Variants in TBPL1 observed in about 807,000 individuals in gnomAD.
The protein encoded by TBPL1 is TATA-box binding protein like 1, also known as TATA box-binding protein-like 1.
In TBPL1, 4 loss-of-function variants were observed where a neutral mutation model predicts 22.1. That is an observed-to-expected ratio of 0.18 (90% CI 0.09 to 0.41). The LOEUF is 0.41. Among genes scored for constraint, TBPL1 ranks in the 10% least tolerant of loss-of-function variants. The pLI is 1.00. For missense variants in TBPL1, 115 were observed against 222.3 expected (o/e 0.52, Z 3.07); for synonymous variants, 64 against 71.0 (o/e 0.90, Z 0.50).
intron 1 of TBPL1, among the ~76,000 whole-genome samples, chr6:133,976,373 A>G (rs532109720): frequency 6.6e-6 from 1 of 152,348 alleles, no homozygotes; most frequent in Non-Finnish European, 1.5e-5. Flanking sequence ...ATATAGACCT[A>G]TAAAAGAGTC....
chr6:133,986,812 G>A, intron 6 of TBPL1, 149 bp from the exon 7 acceptor site: 1 of 512,470 alleles, frequency 2.0e-6, no homozygotes, highest in Non-Finnish European at 3.4e-6. Context: ...TTATGGCTAT[G>A]TGTATAATTA....
Position 133,970,526 on chromosome 6 carries a change from A to C in TBPL1, c.-44-9556A>C, listed in dbSNP as rs923938472. ...TCTTAAACAGCTGTTAGAAATTATT[A>C]TGGAAACTTTTAGGCAGAAATGTGG... On this transcript the variant is annotated intron_variant, in intron 1 of 6. Transcript: ENST00000237264. Among the ~76,000 whole-genome samples, 3 of 152,148 alleles carry C rather than the reference A, an allele frequency of 2.0e-5. No homozygotes were observed. The East Asian group carries it at 5.8e-4, about 29-fold the overall frequency.
At chr6:133,981,510 T>G (rs1256378092) in intron 2 of TBPL1, among the ~76,000 whole-genome samples, 1 of 152,204 alleles carries the variant, frequency 6.6e-6, no homozygotes, top group Non-Finnish European at 1.5e-5. Context: ...TCTGAGTTGA[T>G]AGACAAGCTG....
rs1776576790 is a variant in TBPL1 at position 133,988,841 on chromosome 6, A to T, written c.*1801A>T. ...ACAAGCTCACTGTTTTAAAGACTTGACATTTTTCATTTAGTTTTAATTAAC... is the reference window on the plus strand; with the variant it reads ...ACAAGCTCACTGTTTTAAAGACTTGTCATTTTTCATTTAGTTTTAATTAAC... On this transcript the variant is annotated 3_prime_UTR_variant, in exon 7 of 7. Transcript: ENST00000237264. The T allele has an allele frequency of 6.6e-6, 1 of 152,154 alleles. No individual in the cohort carries two copies. Among genetic ancestry groups the T allele is most frequent in the Non-Finnish European group, 1.5e-5 (1 of 68,018 alleles). The allele number at this position is 152,154 out of a possible 1,614,324, so 9.4% of individuals were successfully genotyped here.
intron 1 of TBPL1, among the ~76,000 whole-genome samples, chr6:133,967,844 C>T (rs951291197): frequency 1.3e-5 from 2 of 152,110 alleles, no homozygotes; most frequent in Non-Finnish European, 2.9e-5. Flanking sequence ...CTCAGGTTGT[C>T]CAAGATTTTT....
At chr6:133,975,607 A>G (rs1776299423) in intron 1 of TBPL1, among the ~76,000 whole-genome samples, 1 of 152,232 alleles carries the variant, frequency 6.6e-6, no homozygotes, top group Admixed American at 6.5e-5. Context: ...CAAGAAAGGA[A>G]GAGTATAGGC....
At chr6:133,956,965 T>A (rs1203711483) in intron 1 of TBPL1, among the ~76,000 whole-genome samples, 1 of 152,192 alleles carries the variant, frequency 6.6e-6, no homozygotes, top group Non-Finnish European at 1.5e-5. Context: ...AACCAGTCAA[T>A]CTTTTCTTTA....
At chr6:133,962,846 TG>T (rs1237411060) in intron 1 of TBPL1, among the ~76,000 whole-genome samples, 2 of 152,300 alleles carry the variant, frequency 1.3e-5, no homozygotes, top group African/African-American at 4.8e-5. Context: ...TGGAACCTAT[TG>T]TTGAGCTTTT....
At chr6:133,964,146 C>G (rs1583812287) in intron 1 of TBPL1, among the ~76,000 whole-genome samples, 2 of 152,246 alleles carry the variant, frequency 1.3e-5, no homozygotes, top group East Asian at 3.9e-4. Flanking sequence ...ATTACTCACC[C>G]TACTGTTGTG....
At position 133,986,954 on chromosome 6, in the gene TBPL1, A is replaced by G. The variant is rs1377960593; in HGVS notation, c.482-7A>G. The G allele has an allele frequency of 6.2e-7, 1 of 1,602,568 alleles. No homozygotes were observed. The highest frequency in any genetic ancestry group is 8.5e-7 in the Non-Finnish European group (1 of 1,174,334). On this transcript the variant is annotated splice_region_variant and splice_polypyrimidine_tract_variant and intron_variant, in intron 6 of 6. Coordinates refer to ENST00000237264, the MANE Select transcript of TBPL1 (RefSeq NM_004865.4). ...TCTCACTCCTTCCTCCATTGTGTTT[A>G]TTACAGGGCCCAATGTAAAGGCTGT...
At chr6:133,971,803 A>C (rs544032270) in intron 1 of TBPL1, among the ~76,000 whole-genome samples, 1 of 152,082 alleles carries the variant, frequency 6.6e-6, no homozygotes, top group South Asian at 2.1e-4. Flanking sequence ...GAGTTGGTTG[A>C]ATTTCATATA....
Position 133,987,084 on chromosome 6 carries a change from A to C in TBPL1, c.*44A>C. 1 of 1,423,930 alleles carries C rather than the reference A, an allele frequency of 7.0e-7. No individual in the cohort carries two copies. Among genetic ancestry groups the C allele is most frequent in the East Asian group, 2.3e-5 (1 of 43,570 alleles). 88.2% of individuals were successfully genotyped at this position (1,423,930 alleles called of 1,614,324 possible). The stretch of plus-strand genomic sequence containing the variant: ...AGAATCTCTAACTGAGCACCTTTTA[A>C]ACCTGCTGCACATTGGACTCAAAAG... On this transcript the variant is annotated 3_prime_UTR_variant, in exon 7 of 7. Coordinates refer to ENST00000237264, the MANE Select transcript of TBPL1 (RefSeq NM_004865.4).
chr6:133,971,146 C>CT (rs35593492), intron 1 of TBPL1, among the ~76,000 whole-genome samples: 2,345 of 145,454 alleles, frequency 0.016, 50 homozygotes, highest in Admixed American at 0.066. Context: ...GATGATAACA[C>CT]TTTTTTTTTT....
intron 1 of TBPL1, among the ~76,000 whole-genome samples, chr6:133,979,284 A>G (rs1290221854): frequency 6.6e-6 from 1 of 152,210 alleles, no homozygotes; most frequent in Non-Finnish European, 1.5e-5. Flanking sequence ...CTGTTAGTAA[A>G]TGTTATTCAT....
intron 1 of TBPL1, among the ~76,000 whole-genome samples, chr6:133,953,782 C>A (rs540589746): frequency 6.6e-6 from 1 of 152,080 alleles, no homozygotes; most frequent in Admixed American, 6.5e-5. Context: ...AAAAGAGATT[C>A]CTCATCTGTC....
intron 1 of TBPL1, among the ~76,000 whole-genome samples, chr6:133,971,636 TGA>T (rs1776223755): frequency 6.6e-6 from 1 of 152,112 alleles, no homozygotes; most frequent in African/African-American, 2.4e-5. Flanking sequence ...CTACCTGGAG[TGA>T]GGTGGTATCT....
rs762145391 is a variant in TBPL1, at chr6:133,988,619, A to G, written c.*1579A>G. On this transcript the variant is annotated 3_prime_UTR_variant, in exon 7 of 7. Coordinates refer to ENST00000237264, the MANE Select transcript of TBPL1 (RefSeq NM_004865.4). ...ATTATTTTTATCTTTTTTCTTCTCAATGCCTTCCCTAACCTCCTGCTTATT... is the reference window on the plus strand; with the variant it reads ...ATTATTTTTATCTTTTTTCTTCTCAGTGCCTTCCCTAACCTCCTGCTTATT... The G allele has an allele frequency of 4.6e-5, 7 of 152,138 alleles. No homozygotes were observed. The highest frequency in any genetic ancestry group is 1.2e-4 in the African/African-American group (5 of 41,430). The allele number at this position is 152,138 out of a possible 1,614,324, so 9.4% of individuals were successfully genotyped here. A position where few individuals can be genotyped will look rare whatever the true frequency, so the allele number is the denominator to read the frequency against.
At chr6:133,957,278 T>C (rs1424169791) in intron 1 of TBPL1, among the ~76,000 whole-genome samples, 1 of 152,226 alleles carries the variant, frequency 6.6e-6, no homozygotes, top group African/African-American at 2.4e-5. Context: ...CACAGAAGTT[T>C]GGCTGTTGGT....
chr6:133,975,841 TTGTAA>T (rs1323822600), intron 1 of TBPL1, among the ~76,000 whole-genome samples: 1 of 152,212 alleles, frequency 6.6e-6, no homozygotes, highest in African/African-American at 2.4e-5. Flanking sequence ...ATCAGTTGTA[TTGTAA>T]TGTTTATTTT....
Sources: gnomAD v4.1 joint callset for allele counts (sites outside exome capture counted in the v4.1 genomes callset) on GRCh38, gnomAD v4.1.1 for gene constraint, MANE v1.5 for transcripts, NCBI Gene and HGNC (gene_info 2026-07-23, HGNC 2026-07-21) for gene names.